Variants in PARD3 observed in about 807,000 individuals in gnomAD.
The protein encoded by PARD3 is par-3 family cell polarity regulator.
A neutral mutation model predicts 155.4 loss-of-function variants in PARD3; 75 were observed. The observed-to-expected ratio is 0.48, with a 90% confidence interval of 0.40 to 0.58. The LOEUF is 0.58. PARD3 is among the 20% of genes least tolerant of loss of function. The probability of loss-of-function intolerance (pLI) is 0.00; values close to 1 mark genes in which losing one functional copy is unlikely to be tolerated. For synonymous variants in PARD3, 576 were observed against 610.5 expected, an observed-to-expected ratio of 0.94 and a Z score of 0.83; for missense variants, 1,642 against 1,721.7, an observed-to-expected ratio of 0.95 and a Z score of 0.82.
At chr10:34,357,878 G>C (rs1839052243) in intron 14 of PARD3, among the ~76,000 whole-genome samples, 1 of 152,114 alleles carries the variant, frequency 6.6e-6, no homozygotes, top group Non-Finnish European at 1.5e-5. Context: ...ACTACCAACT[G>C]AGCTCGAGAG....
intron 22 of PARD3, among the ~76,000 whole-genome samples, chr10:34,165,405 A>G (rs1323164365): frequency 6.6e-6 from 1 of 152,160 alleles, no homozygotes; most frequent in Non-Finnish European, 1.5e-5. Flanking sequence ...CTTATATTAA[A>G]ATCAGGACAC....
chr10:34,603,618 CTCAT>C (rs998348645), intron 2 of PARD3, among the ~76,000 whole-genome samples: 1 of 152,154 alleles, frequency 6.6e-6, no homozygotes, highest in African/African-American at 2.4e-5. Flanking sequence ...CTCCAAACGA[CTCAT>C]TTCTTTGCCA....
chr10:34,331,561 T>A (rs1835617750), intron 18 of PARD3, among the ~76,000 whole-genome samples: 1 of 152,176 alleles, frequency 6.6e-6, no homozygotes, highest in African/African-American at 2.4e-5. Flanking sequence ...CTCTTTGCAT[T>A]AGGAAAAACT....
intron 2 of PARD3, among the ~76,000 whole-genome samples, chr10:34,554,891 T>C: frequency 6.6e-6 from 1 of 152,220 alleles, no homozygotes; most frequent in East Asian, 1.9e-4. Context: ...AATACTGAGA[T>C]GACAGAGTCT....
intron 2 of PARD3, among the ~76,000 whole-genome samples, chr10:34,543,421 GAA>G (rs2083798485): frequency 6.6e-6 from 1 of 152,174 alleles, no homozygotes; most frequent in African/African-American, 2.4e-5. Flanking sequence ...ACCAAACCAT[GAA>G]AAGACAGAAA....
chr10:34,497,202 C>T (rs1345514603), intron 3 of PARD3, among the ~76,000 whole-genome samples: 2 of 151,990 alleles, frequency 1.3e-5, no homozygotes, highest in African/African-American at 2.4e-5. Context: ...ACTGAATCCA[C>T]GGACTGAATC....
intron 2 of PARD3, among the ~76,000 whole-genome samples, chr10:34,602,804 C>T (rs1033952473): frequency 3.9e-5 from 6 of 152,144 alleles, no homozygotes; most frequent in Admixed American, 1.3e-4. Flanking sequence ...TACATAGGTT[C>T]ATAGACATGT....
intron 1 of PARD3, among the ~76,000 whole-genome samples, chr10:34,728,854 G>C (rs1359059863): frequency 6.6e-6 from 1 of 152,158 alleles, no homozygotes; most frequent in Non-Finnish European, 1.5e-5. Flanking sequence ...ATCTCATGCA[G>C]CCATGTACTG....
intron 9 of PARD3, among the ~76,000 whole-genome samples, chr10:34,379,325 A>T (rs1841586534): frequency 6.6e-6 from 1 of 152,164 alleles, no homozygotes; most frequent in Non-Finnish European, 1.5e-5. Flanking sequence ...AACCTACCAT[A>T]GTTATTCTCA....
At chr10:34,226,449 C>T (rs759654988) in intron 22 of PARD3, among the ~76,000 whole-genome samples, 13 of 152,224 alleles carry the variant, frequency 8.5e-5, no homozygotes, top group Non-Finnish European at 1.5e-5. Flanking sequence ...ATTTGGGAGG[C>T]TGAGGCAAGA....
chr10:34,537,907 GAGA>G (rs1356813127), intron 2 of PARD3, among the ~76,000 whole-genome samples: 1 of 152,200 alleles, frequency 6.6e-6, no homozygotes, highest in African/African-American at 2.4e-5. Context: ...TCTTTGGAAA[GAGA>G]AGGTTATTTA....
chr10:34,742,418 C>A (rs2095035486), intron 1 of PARD3, among the ~76,000 whole-genome samples: 1 of 152,136 alleles, frequency 6.6e-6, no homozygotes, highest in Admixed American at 6.5e-5. Flanking sequence ...ACTGCCACAA[C>A]AGATCTCCAC....
chr10:34,684,247 G>A (rs2093900698), intron 2 of PARD3, among the ~76,000 whole-genome samples: 1 of 152,178 alleles, frequency 6.6e-6, no homozygotes, highest in Non-Finnish European at 1.5e-5. Flanking sequence ...CACACACACT[G>A]TCCTCAGAGA....
chr10:34,662,076 C>T (rs1032167404), intron 2 of PARD3, among the ~76,000 whole-genome samples: 1 of 152,176 alleles, frequency 6.6e-6, no homozygotes, highest in African/African-American at 2.4e-5. Context: ...AAGACAACTG[C>T]TCGGCTGACA....
intron 1 of PARD3, among the ~76,000 whole-genome samples, chr10:34,706,294 G>T (rs2094360787): frequency 6.6e-6 from 1 of 152,200 alleles, no homozygotes; most frequent in Non-Finnish European, 1.5e-5. Context: ...AATGCTGGCA[G>T]CCAGGACTCC....
chr10:34,582,326 C>T (rs1017901244), intron 2 of PARD3, among the ~76,000 whole-genome samples: 2 of 152,158 alleles, frequency 1.3e-5, no homozygotes, highest in African/African-American at 4.8e-5. Context: ...GAAAAGAATT[C>T]ACATAGAAAG....
At chr10:34,343,752 A>T (rs1449357723) in intron 15 of PARD3, 8 of 984,942 alleles carry the variant, frequency 8.1e-6, no homozygotes, top group Non-Finnish European at 6.0e-6. Context: ...ATGACTTGAG[A>T]AGGCTTCAAT....
chr10:34,484,872 C>T (rs779225179), intron 3 of PARD3, among the ~76,000 whole-genome samples: 2 of 152,208 alleles, frequency 1.3e-5, no homozygotes, highest in Non-Finnish European at 2.9e-5. Context: ...GACCACTCCT[C>T]CACAAGCTCC....
chr10:34,128,769 A>T (rs551601023), intron 23 of PARD3, among the ~76,000 whole-genome samples: 61 of 152,322 alleles, frequency 4.0e-4, no homozygotes, highest in African/African-American at 1.4e-3. Flanking sequence ...AGAGTAATAT[A>T]TTGTGAGTAT....
Sources: gnomAD v4.1 joint callset for allele counts (sites outside exome capture counted in the v4.1 genomes callset) on GRCh38, gnomAD v4.1.1 for gene constraint, MANE v1.5 for transcripts, NCBI Gene and HGNC (gene_info 2026-07-23, HGNC 2026-07-21) for gene names.